PTPRD: variants seen among roughly 807,000 people sequenced by gnomAD.
The protein encoded by PTPRD is protein tyrosine phosphatase receptor type D.
A neutral mutation model predicts 214.5 loss-of-function variants in PTPRD; 34 were observed. The observed-to-expected ratio is 0.16, with a 90% confidence interval of 0.12 to 0.21. PTPRD has a LOEUF of 0.21. PTPRD is among the 10% of genes least tolerant of loss of function. The pLI is 1.00. For missense variants in PTPRD, 2,545 were observed against 2,398.7 expected, an observed-to-expected ratio of 1.06 and a Z score of -1.27; for synonymous variants, 1,128 against 845.7, an observed-to-expected ratio of 1.33 and a Z score of -5.79.
intron 12 of PTPRD, among the ~76,000 whole-genome samples, chr9:8,652,555 A>G (rs2096833856): frequency 6.6e-6 from 1 of 152,238 alleles, no homozygotes; most frequent in African/African-American, 2.4e-5. Flanking sequence ...TGACCAGGTT[A>G]TGCTGGCTAC....
At position 10,387,086 on chromosome 9, in the gene PTPRD, C is replaced by G. The variant is rs74352128; in HGVS notation, c.-599-46069G>C. Among the ~76,000 whole-genome samples the G allele has an allele frequency of 2.6e-5, 4 of 151,806 alleles. No homozygotes were observed. In the East Asian group the frequency reaches 7.8e-4, roughly 30 times the overall value. On this transcript the variant is annotated intron_variant, in intron 2 of 45. Transcript: ENST00000381196. ...TAGAGAAAAAAATAAAAAGATTGTTCGCAAGAATCTCCAGAAAGGATCACA... is the reference window on the plus strand; with the variant it reads ...TAGAGAAAAAAATAAAAAGATTGTTGGCAAGAATCTCCAGAAAGGATCACA...
intron 2 of PTPRD, among the ~76,000 whole-genome samples, chr9:10,542,948 T>A (rs1261195305): frequency 1.3e-5 from 2 of 152,122 alleles, no homozygotes; most frequent in Admixed American, 6.6e-5. Flanking sequence ...ATGGGGTGTC[T>A]CCATGTTGGT....
intron 8 of PTPRD, among the ~76,000 whole-genome samples, chr9:9,547,932 C>G (rs1264256545): frequency 6.6e-6 from 1 of 151,502 alleles, no homozygotes; most frequent in South Asian, 2.1e-4. Flanking sequence ...TCAAAGAGAA[C>G]AATGATAGGA....
intron 3 of PTPRD, among the ~76,000 whole-genome samples, chr9:10,120,278 A>G (rs544433993): frequency 1.1e-4 from 17 of 152,152 alleles, no homozygotes; most frequent in African/African-American, 4.1e-4. Context: ...AAAAGAAATA[A>G]TAATAATATT....
intron 8 of PTPRD, among the ~76,000 whole-genome samples, chr9:9,534,702 A>G (rs1464561850): frequency 6.6e-6 from 1 of 152,082 alleles, no homozygotes; most frequent in Non-Finnish European, 1.5e-5. Flanking sequence ...GCCTAATGCC[A>G]GTTCATAAAT....
At chr9:10,222,862 T>C (rs542342174) in intron 3 of PTPRD, among the ~76,000 whole-genome samples, 2 of 152,162 alleles carry the variant, frequency 1.3e-5, no homozygotes, top group South Asian at 4.1e-4. Flanking sequence ...TAGATTCTTA[T>C]TAACCAAAGC....
intron 7 of PTPRD, among the ~76,000 whole-genome samples, chr9:9,590,522 T>C (rs2092617446): frequency 6.6e-6 from 1 of 152,066 alleles, no homozygotes; most frequent in African/African-American, 2.4e-5. Context: ...ATGTATTTTA[T>C]GTCTTATTTT....
intron 3 of PTPRD, among the ~76,000 whole-genome samples, chr9:10,285,964 G>T (rs2095337941): frequency 6.6e-6 from 1 of 152,002 alleles, no homozygotes; most frequent in Non-Finnish European, 1.5e-5. Context: ...GACTCAATAG[G>T]ATTATGTAGA....
chr9:8,480,453 CTT>C (rs2096857176), intron 30 of PTPRD, among the ~76,000 whole-genome samples: 2 of 152,148 alleles, frequency 1.3e-5, no homozygotes, highest in South Asian at 4.1e-4. Flanking sequence ...TCAGTGAACT[CTT>C]TGCTTGTCCA....
At position 8,633,339 on chromosome 9, in the gene PTPRD, G is replaced by A; in HGVS notation, c.330C>T (p.Ser110=). 6.2e-7 allele frequency: 1 copy of A among 1,612,362 alleles called. No homozygotes were observed. The highest frequency in any genetic ancestry group is 1.1e-5 in the South Asian group (1 of 90,950). The part of the protein sequence containing the change: ...ASNNVGEISV[S]TRLTVLREDQ... ...TACCCCGCAAAACTGTGAGTCTGGT[G>A]GATACACTTATTTCTCCCACATTAT... Residue 110 remains serine (S), a synonymous_variant, in exon 14 of 46, where the codon TCC becomes TCT. Coordinates refer to ENST00000381196, the MANE Select transcript of PTPRD (RefSeq NM_002839.4).
intron 11 of PTPRD, among the ~76,000 whole-genome samples, chr9:8,811,405 A>G (rs562736833): frequency 1.3e-5 from 2 of 152,342 alleles, no homozygotes; most frequent in Admixed American, 1.3e-4. Flanking sequence ...AGGTAGGAGT[A>G]CAATAAAAAT....
chr9:9,750,241 A>G (rs1416191784), intron 6 of PTPRD, among the ~76,000 whole-genome samples: 3 of 152,174 alleles, frequency 2.0e-5, no homozygotes, highest in African/African-American at 7.2e-5. Context: ...TTATGTAACT[A>G]TTATTGAAAT....
chr9:8,822,595 G>A (rs2097092939), intron 11 of PTPRD, among the ~76,000 whole-genome samples: 2 of 152,124 alleles, frequency 1.3e-5, no homozygotes, highest in African/African-American at 4.8e-5. Flanking sequence ...AATTATGGAA[G>A]TCAAACACAT....
chr9:10,438,784 A>T (rs2098739348), intron 2 of PTPRD, among the ~76,000 whole-genome samples: 1 of 151,716 alleles, frequency 6.6e-6, no homozygotes, highest in South Asian at 2.1e-4. Flanking sequence ...TCCTTATAGT[A>T]GAGAGCTCAG....
intron 12 of PTPRD, among the ~76,000 whole-genome samples, chr9:8,719,678 T>A (rs776647592): frequency 6.6e-6 from 1 of 151,148 alleles, no homozygotes; most frequent in Non-Finnish European, 1.5e-5. Context: ...AGTGGCAGAG[T>A]TGAATAGCTG....
At chr9:9,712,343 C>T (rs772498886) in intron 7 of PTPRD, among the ~76,000 whole-genome samples, 7 of 152,016 alleles carry the variant, frequency 4.6e-5, no homozygotes, top group Non-Finnish European at 8.8e-5. Flanking sequence ...CCTAGGGACA[C>T]AGTGATAGGC....
At chr9:8,630,612 T>TA (rs1004076167) in intron 14 of PTPRD, among the ~76,000 whole-genome samples, 28 of 151,804 alleles carry the variant, frequency 1.8e-4, no homozygotes, top group African/African-American at 6.8e-4. Flanking sequence ...ACATAGTCTT[T>TA]AAAAAAATGG....
chr9:9,827,386 G>A (rs1259652968), intron 5 of PTPRD, among the ~76,000 whole-genome samples: 2 of 152,154 alleles, frequency 1.3e-5, no homozygotes, highest in East Asian at 3.9e-4. Context: ...TGACAAACCT[G>A]ACAAAAACAA....
intron 5 of PTPRD, among the ~76,000 whole-genome samples, chr9:9,824,602 A>G (rs1045353190): frequency 2.0e-5 from 3 of 152,070 alleles, no homozygotes; most frequent in African/African-American, 7.2e-5. Flanking sequence ...TGTGAGTATG[A>G]GACCTAGTCT....
Sources: gnomAD v4.1 joint callset for allele counts (sites outside exome capture counted in the v4.1 genomes callset) on GRCh38, gnomAD v4.1.1 for gene constraint, MANE v1.5 for transcripts, NCBI Gene and HGNC (gene_info 2026-07-23, HGNC 2026-07-21) for gene names.